The following ZNF48 variants were observed in gnomAD, a reference collection of about 807,000 sequenced individuals.
ZNF48 encodes zinc finger protein 553.
In ZNF48, 20 loss-of-function variants were observed where a neutral mutation model predicts 40.0. The ratio of observed to expected loss-of-function variants is 0.50; its 90% CI spans 0.35 to 0.73. ZNF48 has a LOEUF of 0.73. Ranked by LOEUF, ZNF48 falls within the 30% of genes least tolerant of loss-of-function variation. The pLI, the probability that ZNF48 is intolerant of heterozygous loss-of-function variation, is 0.01. For missense variants in ZNF48, 726 were observed against 851.9 expected, an observed-to-expected ratio of 0.85 and a Z score of 1.84; for synonymous variants, 298 against 329.7, an observed-to-expected ratio of 0.90 and a Z score of 1.04.
chr16:30,383,980 G>A (rs1210403290), intron 1 of ZNF48, among the ~76,000 whole-genome samples: 1 of 152,176 alleles, frequency 6.6e-6, no homozygotes, highest in Admixed American at 6.5e-5. Flanking sequence ...ACTTTGGGAG[G>A]CCGAGGCGGG....
Position 30,398,826 on chromosome 16 carries a change from A to G in ZNF48, c.1576A>G (p.Met526Val), listed in dbSNP as rs199914685. 4.5e-5 allele frequency: 72 copies of G among 1,613,594 alleles called. No homozygotes were observed. The highest frequency in any genetic ancestry group is 1.2e-4 in the Admixed American group (7 of 59,990). The change falls in exon 3 of 3, where the codon ATG becomes GTG. Residue 526 changes from methionine to valine, a missense_variant. Around this residue, in one of 5 missense-constraint regions of ZNF48, gnomAD observed 166 missense variants for 163.6 expected, o/e 1.01. Transcript: ENST00000613509. This position sits in a 1 kb window ranked among gnomAD's most constrained non-coding sequence, Gnocchi z 6.6. ...ACATAACCCACCTGGCCCAGTACCC[A>G]TGGCCCCTCGACCCCGAGTTCGGGC... ...RPHNPPGPVP[M>V]APRPRVRAQP...
chr16:30,392,379 T>G (rs1357821246), upstream of ZNF48, among the ~76,000 whole-genome samples: 1 of 152,044 alleles, frequency 6.6e-6, no homozygotes, highest in Non-Finnish European at 1.5e-5. Context: ...CTCAAACTGC[T>G]GGACTCAAGA....
At chr16:30,379,049 G>A (rs775035657) in intron 1 of ZNF48, 14 of 1,613,702 alleles carry the variant, frequency 8.7e-6, no homozygotes, top group Non-Finnish European at 1.2e-5. Flanking sequence ...GCCCCAGGCC[G>A]GGCCAGGCTC....
upstream of ZNF48, among the ~76,000 whole-genome samples, chr16:30,392,364 C>A (rs966463225): frequency 1.3e-5 from 2 of 151,974 alleles, no homozygotes; most frequent in Non-Finnish European, 2.9e-5. Flanking sequence ...GTTGGCCAGG[C>A]TGGTCTCAAA....
At chr16:30,390,757 A>G (rs1279023879), upstream of ZNF48, among the ~76,000 whole-genome samples, 1 of 151,300 alleles carries the variant, frequency 6.6e-6, no homozygotes, top group African/African-American at 2.4e-5. Flanking sequence ...AGTAGCTGGG[A>G]CTACAGGCGC....
intron 1 of ZNF48, chr16:30,378,605 C>T: frequency 1.2e-6 from 2 of 1,611,464 alleles, no homozygotes; most frequent in Non-Finnish European, 1.7e-6. Flanking sequence ...GAGGTGCGTG[C>T]TCACCTCTTC....
chr16:30,396,662 C>A (rs966134718), intron 2 of ZNF48, among the ~76,000 whole-genome samples: 3 of 150,938 alleles, frequency 2.0e-5, no homozygotes, highest in Non-Finnish European at 2.9e-5. Context: ...GTCAGAGAGA[C>A]CTTAGTTAGA....
rs776809227 is a variant in ZNF48, at chr16:30,398,369, CCTT to C, written c.1124_1126del (p.Leu375del). 1 of 1,613,112 alleles carries C rather than the reference CCTT, an allele frequency of 6.2e-7. No homozygotes were observed. The highest frequency in any genetic ancestry group is 1.3e-5 in the African/African-American group (1 of 74,834). On this transcript the variant is annotated inframe_deletion, in exon 3 of 3. Transcript: ENST00000613509. This position sits in a 1 kb window ranked among gnomAD's most constrained non-coding sequence, Gnocchi z 6.6. ...ACCGTACCTTCAGCCTCAGCTCCACCCTTCTTCGCCACCGCCTCACTCACATGG... is the reference window on the plus strand; with the variant it reads ...ACCGTACCTTCAGCCTCAGCTCCACCCTTCGCCACCGCCTCACTCACATGG...
chr16:30,387,439 C>A (rs2049910591), intron 1 of ZNF48, among the ~76,000 whole-genome samples: 1 of 147,498 alleles, frequency 6.8e-6, no homozygotes, highest in East Asian at 2.1e-4. Flanking sequence ...CCTGTAATCC[C>A]AGATATTCGG....
At chr16:30,387,356 G>A (rs73532600) in intron 1 of ZNF48, among the ~76,000 whole-genome samples, 109,507 of 146,172 alleles carry the variant, frequency 0.75, 42,005 homozygotes, top group East Asian at 0.92. Context: ...GGAGTTCAAG[G>A]CCAGCCTGGC....
In ZNF48 at chr16:30,382,367, T is replaced by C; in HGVS notation, c.-16+3957T>C. The C allele has an allele frequency of 1.2e-6, 2 of 1,609,166 alleles. No individual in the cohort carries two copies. The highest frequency in any genetic ancestry group is 1.7e-6 in the Non-Finnish European group (2 of 1,177,058). On this transcript the variant is annotated intron_variant, in intron 1 of 2. Coordinates refer to the ZNF48 transcript ENST00000528032. This position sits in a 1 kb window ranked among gnomAD's most constrained non-coding sequence, Gnocchi z 4.8. ...AGCAAAACCCACGTACTCCTTGTCCTATGGATGGGGGTGGACAATATGAGG... is the reference window on the plus strand; with the variant it reads ...AGCAAAACCCACGTACTCCTTGTCCCATGGATGGGGGTGGACAATATGAGG...
chr16:30,381,976 C>T lies in ZNF48; in HGVS notation c.-16+3566C>T. On this transcript the variant is annotated intron_variant, in intron 1 of 2. Coordinates refer to the ZNF48 transcript ENST00000528032. This position sits in a 1 kb window ranked among gnomAD's most constrained non-coding sequence, Gnocchi z 4.3. ...ATCACAGTTGCCTGCACCCATTTCC[C>T]AGGGGAGGAAAGTCTCAGAAAAAAA... 1.2e-6 allele frequency: 2 copies of T among 1,604,078 alleles called. No individual in the cohort carries two copies. The highest frequency in any genetic ancestry group is 4.5e-5 in the East Asian group (2 of 44,800).
chr16:30,378,354 G>A, exon 1 of ZNF48: 1 of 1,340,172 alleles, frequency 7.5e-7, no homozygotes, highest in Admixed American at 2.7e-5. Context: ...CCCGGGGGGC[G>A]CTGGGCAGTG....
chr16:30,385,593 C>T (rs1397135297), intron 1 of ZNF48, among the ~76,000 whole-genome samples: 1 of 151,868 alleles, frequency 6.6e-6, no homozygotes, highest in Non-Finnish European at 1.5e-5. Context: ...CCACTGCACT[C>T]CAGCCTGGCG....
At chr16:30,390,501 C>T (rs1280536425), upstream of ZNF48, among the ~76,000 whole-genome samples, 4 of 151,730 alleles carry the variant, frequency 2.6e-5, no homozygotes, top group African/African-American at 7.3e-5. Context: ...CATCCCCTCC[C>T]GGGTTCACGT....
chr16:30,378,554 C>G (rs751012090), intron 1 of ZNF48: 20 of 1,602,906 alleles, frequency 1.2e-5, no homozygotes, highest in Non-Finnish European at 1.6e-5. Flanking sequence ...GGTGACCTGG[C>G]GAAGCCAGAG....
chr16:30,390,201 A>G (rs145482386), intron 1 of ZNF48, among the ~76,000 whole-genome samples: 1 of 152,030 alleles, frequency 6.6e-6, no homozygotes, highest in East Asian at 1.9e-4. Context: ...AGGGACTTCT[A>G]TATCTTTAGA....
At position 30,395,985 on chromosome 16, in the gene ZNF48, G is replaced by A; in HGVS notation, c.79+112G>A. 8.9e-7 allele frequency: 1 copy of A among 1,129,694 alleles called. No individual in the cohort carries two copies. The allele number at this position is 1,129,694 out of a possible 1,614,324, so 70.0% of individuals were successfully genotyped here. ...AGATCGGACGTGAGCTGTGCCTCTGGGGAGATAGGGGGAGGGGAGCTTTCG... is the reference window on the plus strand; with the variant it reads ...AGATCGGACGTGAGCTGTGCCTCTGAGGAGATAGGGGGAGGGGAGCTTTCG... On this transcript the variant is annotated intron_variant, in intron 2 of 2. Transcript: ENST00000613509. This position sits in a 1 kb window ranked among gnomAD's most constrained non-coding sequence, Gnocchi z 5.9.
At chr16:30,389,828 T>G (rs1311017759) in intron 1 of ZNF48, among the ~76,000 whole-genome samples, 28 of 105,022 alleles carry the variant, frequency 2.7e-4, no homozygotes, top group African/African-American at 1.0e-3. Context: ...TTTTTTTTTT[T>G]TTTTTTTTTT....
Sources: gnomAD v4.1 joint callset for allele counts (sites outside exome capture counted in the v4.1 genomes callset) on GRCh38, gnomAD v4.1.1 for gene constraint, gnomAD v4.1.1 regional missense constraint, Gnocchi (gnomAD v3.1) non-coding constraint, MANE v1.5 for transcripts, NCBI Gene and HGNC (gene_info 2026-07-23, HGNC 2026-07-21) for gene names.